DLGAP2: variants seen among roughly 807,000 people sequenced by gnomAD.
DLGAP2 encodes the protein DLG associated protein 2.
Under a neutral mutation model 100.3 loss-of-function variants are expected in DLGAP2, and 26 were observed. The observed-to-expected ratio is 0.26, with a 90% CI of 0.19 to 0.36. The LOEUF is 0.36. Among genes scored for constraint, DLGAP2 ranks in the 10% least tolerant of loss-of-function variants. The pLI is 1.00. For synonymous variants in DLGAP2, 886 were observed against 630.1 expected (o/e 1.41, Z -6.08); for missense variants, 1,858 against 1,453.2 (o/e 1.28, Z -4.53).
chr8:1,684,038 G>C lies in DLGAP2; in HGVS notation c.2704+5409G>C, dbSNP rs1377447092. 5.8e-5 allele frequency among the ~76,000 whole-genome samples: 8 copies of C among 138,188 alleles called. 1 individual carries two copies. The highest frequency in any genetic ancestry group is 1.8e-4 in the African/African-American group (7 of 38,172). The allele number at this position is 138,188 out of a possible 152,430, so 90.7% of individuals were successfully genotyped here. A position where few individuals can be genotyped will look rare whatever the true frequency, so the allele number is the denominator to read the frequency against. ...ACTCTGACACCAAGGCTGGAGCGCA[G>C]TGGCGCGATCTCAGCTCACTGCAAC... On this transcript the variant is annotated intron_variant, in intron 12 of 14. Transcript: ENST00000637795.
intron 2 of DLGAP2, among the ~76,000 whole-genome samples, chr8:1,255,207 GCCC>G (rs1563043704): frequency 2.1e-5 from 2 of 95,768 alleles, no homozygotes; most frequent in African/African-American, 5.8e-5. Flanking sequence ...CTGTGTGTGT[GCCC>G]TCTCATCCTG....
intron 3 of DLGAP2, among the ~76,000 whole-genome samples, chr8:1,437,968 A>C (rs1377811910): frequency 6.6e-6 from 1 of 151,974 alleles, no homozygotes; most frequent in Non-Finnish European, 1.5e-5. Flanking sequence ...CCTGGGCGAC[A>C]AGAGCAAAAC....
At chr8:1,583,895 C>T (rs6995388) in intron 6 of DLGAP2, among the ~76,000 whole-genome samples, 86,062 of 151,768 alleles carry the variant, frequency 0.57, 25,183 homozygotes, top group African/African-American at 0.72. Flanking sequence ...TCTTCCTCCT[C>T]GCTCCTCTGA....
intron 2 of DLGAP2, among the ~76,000 whole-genome samples, chr8:1,107,738 A>G (rs998392555): frequency 4.6e-5 from 7 of 152,152 alleles, no homozygotes; most frequent in African/African-American, 1.4e-4. Context: ...CATTCGTCAC[A>G]TTTATTATGC....
chr8:1,072,768 C>G (rs1471292941), intron 2 of DLGAP2, among the ~76,000 whole-genome samples: 2 of 152,206 alleles, frequency 1.3e-5, no homozygotes, highest in African/African-American at 4.8e-5. Context: ...TGGAGAATGA[C>G]ACTTTCTGTT....
intron 2 of DLGAP2, among the ~76,000 whole-genome samples, chr8:1,113,997 A>T (rs1232328794): frequency 6.6e-6 from 1 of 152,186 alleles, no homozygotes; most frequent in Non-Finnish European, 1.5e-5. Context: ...GATGAATCAC[A>T]TTGATTGATT....
chr8:1,087,481 A>ATGATT (rs1804012905), intron 2 of DLGAP2, among the ~76,000 whole-genome samples: 1 of 151,124 alleles, frequency 6.6e-6, no homozygotes, highest in Admixed American at 6.6e-5. Context: ...ATTTGGCAGG[A>ATGATT]TGATTTGTAA....
intron 2 of DLGAP2, among the ~76,000 whole-genome samples, chr8:926,108 G>A (rs745649317): frequency 2.3e-4 from 35 of 152,288 alleles, no homozygotes; most frequent in Non-Finnish European, 3.4e-4. Flanking sequence ...GACTTGGGAG[G>A]GATGGCTTTT....
At chr8:1,493,350 G>A (rs1474342343) in intron 3 of DLGAP2, among the ~76,000 whole-genome samples, 4 of 151,786 alleles carry the variant, frequency 2.6e-5, no homozygotes, top group Admixed American at 2.0e-4. Context: ...TGGACCCAGC[G>A]TGTAGACATC....
intron 1 of DLGAP2, among the ~76,000 whole-genome samples, chr8:820,026 G>T (rs1483796588): frequency 6.6e-6 from 1 of 152,208 alleles, no homozygotes; most frequent in Non-Finnish European, 1.5e-5. Context: ...GAGAGTTCTT[G>T]TCTACTAAGA....
chr8:1,210,510 TCTGCTGAAACGTAGAATGCCCCCAG>T (rs1563255650), intron 2 of DLGAP2, among the ~76,000 whole-genome samples: 1 of 152,168 alleles, frequency 6.6e-6, no homozygotes, highest in Non-Finnish European at 1.5e-5. Context: ...GCAGCTCAGC[TCTGCTGAAACGTAGAATGCCCCCAG>T]CAAGCACAGC....
At chr8:1,008,859 A>G (rs952769927) in intron 2 of DLGAP2, among the ~76,000 whole-genome samples, 4 of 152,254 alleles carry the variant, frequency 2.6e-5, no homozygotes, top group African/African-American at 4.8e-5. Flanking sequence ...GATTCCGCCC[A>G]GGCAGCTCCG....
intron 3 of DLGAP2, among the ~76,000 whole-genome samples, chr8:1,261,293 T>C (rs886744376): frequency 6.7e-6 from 1 of 150,086 alleles, no homozygotes. Flanking sequence ...TCCAGATATA[T>C]AAAATGAGAC....
chr8:873,282 A>G (rs1797632793), intron 1 of DLGAP2, among the ~76,000 whole-genome samples: 1 of 152,158 alleles, frequency 6.6e-6, no homozygotes, highest in Non-Finnish European at 1.5e-5. Context: ...CAGGAAATAG[A>G]GGTAGTTTTA....
At chr8:890,011 C>A (rs1287706911) in intron 1 of DLGAP2, among the ~76,000 whole-genome samples, 1 of 152,110 alleles carries the variant, frequency 6.6e-6, no homozygotes, top group Admixed American at 6.6e-5. Flanking sequence ...GACTCCCCTT[C>A]CCCGTGTGTT....
intron 7 of DLGAP2, among the ~76,000 whole-genome samples, chr8:1,632,265 T>C (rs1408129301): frequency 6.6e-6 from 1 of 152,248 alleles, no homozygotes; most frequent in African/African-American, 2.4e-5. Context: ...CTCAGATATA[T>C]GCTGCCGTAA....
chr8:1,036,016 G>A (rs1409247036), intron 2 of DLGAP2, among the ~76,000 whole-genome samples: 561 of 69,290 alleles, frequency 8.1e-3, no homozygotes, highest in Middle Eastern at 0.014. Context: ...TCCCGACCCC[G>A]CGTGTCACCG....
rs190763497 is a variant in DLGAP2 at position 1,363,893 on chromosome 8, C to T, written c.106+105010C>T. ...AGGCCTCTTCTGACCACCTGCTCCCCGTGAGGTTGTGCCGGCTGGGGGGTC... is the reference window on the plus strand; with the variant it reads ...AGGCCTCTTCTGACCACCTGCTCCCTGTGAGGTTGTGCCGGCTGGGGGGTC... On this transcript the variant is annotated intron_variant, in intron 3 of 14. Coordinates refer to ENST00000637795, the MANE Select transcript of DLGAP2 (RefSeq NM_001346810.2). 4.4e-3 allele frequency among the ~76,000 whole-genome samples: 671 copies of T among 152,258 alleles called. 5 individuals carry two copies. Among genetic ancestry groups the T allele is most frequent in the African/African-American group, 0.016 (646 of 41,568 alleles).
intron 3 of DLGAP2, among the ~76,000 whole-genome samples, chr8:1,497,517 C>G (rs558622727): frequency 3.4e-4 from 52 of 152,242 alleles, no homozygotes; most frequent in African/African-American, 1.2e-3. Flanking sequence ...CTCCCTTATA[C>G]GAGGAGGCCA....
Sources: gnomAD v4.1 joint callset for allele counts (sites outside exome capture counted in the v4.1 genomes callset) on GRCh38, gnomAD v4.1.1 for gene constraint, MANE v1.5 for transcripts, NCBI Gene and HGNC (gene_info 2026-07-23, HGNC 2026-07-21) for gene names.